The following SHISA9 variants were observed in gnomAD, a reference collection of about 807,000 sequenced individuals.
The protein encoded by SHISA9 is protein shisa-9.
Under a neutral mutation model 38.0 loss-of-function variants are expected in SHISA9, and 13 were observed. That is an observed-to-expected ratio of 0.34 (90% CI 0.22 to 0.54). The LOEUF (loss-of-function observed/expected upper bound fraction) is 0.54, where lower values mean the gene tolerates loss of function less well. Among genes scored for constraint, SHISA9 ranks in the 20% least tolerant of loss-of-function variants. The probability of loss-of-function intolerance (pLI) is 0.91; values close to 1 mark genes in which losing one functional copy is unlikely to be tolerated. For missense variants in SHISA9, 538 were observed against 575.8 expected (o/e 0.93, Z 0.67); for synonymous variants, 275 against 242.0 (o/e 1.14, Z -1.27).
chr16:13,283,619 C>A, the SHISA9 span, among the ~76,000 whole-genome samples: 1 of 152,028 alleles, frequency 6.6e-6, no homozygotes, highest in East Asian at 1.9e-4. Context: ...GGAAACCACC[C>A]CCATGATTCA....
At chr16:13,134,824 G>A (rs2050334538) in intron 2 of SHISA9, among the ~76,000 whole-genome samples, 1 of 152,168 alleles carries the variant, frequency 6.6e-6, no homozygotes, top group Non-Finnish European at 1.5e-5. Context: ...TGTATGGAGT[G>A]CCTCTAGCTC....
chr16:13,124,191 A>G (rs774435701), intron 2 of SHISA9, among the ~76,000 whole-genome samples: 1 of 152,204 alleles, frequency 6.6e-6, no homozygotes, highest in Non-Finnish European at 1.5e-5. Flanking sequence ...TACCTCTTAA[A>G]GCCTGACAGA....
the SHISA9 span, among the ~76,000 whole-genome samples, chr16:13,533,253 G>A: frequency 2.6e-5 from 4 of 151,998 alleles, no homozygotes; most frequent in Non-Finnish European, 2.9e-5. Flanking sequence ...CACCTTTAAC[G>A]CTCTTATCTC....
chr16:13,014,519 G>A (rs1463458211), intron 2 of SHISA9, among the ~76,000 whole-genome samples: 3 of 152,116 alleles, frequency 2.0e-5, no homozygotes, highest in African/African-American at 7.2e-5. Flanking sequence ...CCTTATCTTG[G>A]AGATTGCTTC....
chr16:13,174,358 C>A (rs1226585574), intron 2 of SHISA9, among the ~76,000 whole-genome samples: 5 of 152,210 alleles, frequency 3.3e-5, no homozygotes, highest in Admixed American at 3.3e-4. Flanking sequence ...CAGTCTGGCC[C>A]CAGATCAGTT....
At chr16:13,274,428 A>G in the SHISA9 span, among the ~76,000 whole-genome samples, 2 of 152,144 alleles carry the variant, frequency 1.3e-5, no homozygotes, top group African/African-American at 2.4e-5. Flanking sequence ...TCTTGAAAAA[A>G]ATTTTCTTTC....
chr16:13,398,828 A>G, the SHISA9 span, among the ~76,000 whole-genome samples: 3 of 152,080 alleles, frequency 2.0e-5, no homozygotes, highest in East Asian at 1.9e-4. Context: ...ACCAATCTTA[A>G]CTCAACTCTA....
At chr16:13,544,819 T>C in the SHISA9 span, among the ~76,000 whole-genome samples, 1 of 152,130 alleles carries the variant, frequency 6.6e-6, no homozygotes, top group Admixed American at 6.6e-5. Flanking sequence ...GGGGCGAGCC[T>C]GTAATCCCAG....
the SHISA9 span, among the ~76,000 whole-genome samples, chr16:13,334,182 T>C: frequency 6.6e-6 from 1 of 152,204 alleles, no homozygotes; most frequent in South Asian, 2.1e-4. Flanking sequence ...TCATCACTAC[T>C]TGACAAAACC....
chr16:13,098,700 G>C (rs1330100126), intron 2 of SHISA9, among the ~76,000 whole-genome samples: 2 of 152,300 alleles, frequency 1.3e-5, no homozygotes, highest in African/African-American at 2.4e-5. Context: ...GCAACTGCAG[G>C]CTCCCATCCA....
intron 2 of SHISA9, among the ~76,000 whole-genome samples, chr16:12,946,240 G>A (rs1325351503): frequency 6.6e-6 from 1 of 152,160 alleles, no homozygotes; most frequent in East Asian, 1.9e-4. Context: ...TTTGGTTACT[G>A]TAGCCCTGTA....
At chr16:13,115,894 A>G (rs1339844578) in intron 2 of SHISA9, among the ~76,000 whole-genome samples, 1 of 152,108 alleles carries the variant, frequency 6.6e-6, no homozygotes, top group Non-Finnish European at 1.5e-5. Flanking sequence ...CCTCAGAAAT[A>G]CCTTCCCTTC....
intron 2 of SHISA9, among the ~76,000 whole-genome samples, chr16:12,971,149 C>A (rs1419882556): frequency 1.3e-5 from 2 of 152,160 alleles, no homozygotes; most frequent in African/African-American, 4.8e-5. Context: ...TACTAATTTT[C>A]CAGCCTAAAC....
the SHISA9 span, among the ~76,000 whole-genome samples, chr16:13,429,327 A>G: frequency 6.6e-6 from 1 of 152,198 alleles, no homozygotes; most frequent in Non-Finnish European, 1.5e-5. Context: ...GTGCAAGCCA[A>G]CAGAGTTGGT....
intron 2 of SHISA9, among the ~76,000 whole-genome samples, chr16:13,006,280 C>T (rs1381783666): frequency 6.6e-6 from 1 of 152,222 alleles, no homozygotes; most frequent in Non-Finnish European, 1.5e-5. Flanking sequence ...AGCACCTGTT[C>T]CTTGTCTTCT....
At chr16:12,916,595 C>T (rs2071260912) in intron 1 of SHISA9, 93 bp from the exon 2 acceptor site, 14 of 1,417,622 alleles carry the variant, frequency 9.9e-6, no homozygotes, top group African/African-American at 1.5e-5. Flanking sequence ...AGTAATCCGC[C>T]TTGCCATTTG....
chr16:13,228,103 C>T (rs2051296716), intron 4 of SHISA9, among the ~76,000 whole-genome samples: 1 of 152,222 alleles, frequency 6.6e-6, no homozygotes, highest in Admixed American at 6.5e-5. Context: ...CCCCATTTCA[C>T]ACCTAAGGAA....
intron 4 of SHISA9, among the ~76,000 whole-genome samples, chr16:13,213,733 T>C (rs2051141909): frequency 6.6e-6 from 1 of 152,148 alleles, no homozygotes; most frequent in Non-Finnish European, 1.5e-5. Flanking sequence ...ACTAGCCTTT[T>C]AGAGAACAGA....
chr16:12,911,151 A>T (rs2071177661), intron 1 of SHISA9: 1 of 595,922 alleles, frequency 1.7e-6, no homozygotes, highest in African/African-American at 2.0e-5. Flanking sequence ...GTGAACCAGC[A>T]GCATTTTTAT....
Sources: gnomAD v4.1 joint callset for allele counts (sites outside exome capture counted in the v4.1 genomes callset) on GRCh38, gnomAD v4.1.1 for gene constraint, MANE v1.5 for transcripts, NCBI Gene and HGNC (gene_info 2026-07-23, HGNC 2026-07-21) for gene names.